Variants in OPCML observed in about 807,000 individuals in gnomAD.
The protein encoded by OPCML is opioid-binding protein/cell adhesion molecule.
In OPCML, 13 loss-of-function variants were observed where a neutral mutation model predicts 37.8. The ratio of observed to expected loss-of-function variants is 0.34; its 90% confidence interval spans 0.22 to 0.55. The LOEUF is 0.55. Ranked by LOEUF, OPCML falls within the 20% of genes least tolerant of loss-of-function variation. The pLI, the probability that OPCML is intolerant of heterozygous loss-of-function variation, is 0.91. For synonymous variants in OPCML, 176 were observed against 168.8 expected (o/e 1.04, Z -0.33); for missense variants, 341 against 435.6 (o/e 0.78, Z 1.93).
intron 1 of OPCML, among the ~76,000 whole-genome samples, chr11:133,504,479 T>C (rs1418886480): frequency 6.6e-6 from 1 of 152,142 alleles, no homozygotes; most frequent in African/African-American, 2.4e-5. Context: ...CCTGGCATGA[T>C]GGAAGGACAG....
intron 1 of OPCML, among the ~76,000 whole-genome samples, chr11:133,347,605 A>G (rs1944033181): frequency 6.6e-6 from 1 of 152,194 alleles, no homozygotes; most frequent in Admixed American, 6.5e-5. Context: ...TCTGAAATTA[A>G]GACTAAAGAT....
At chr11:133,391,811 T>C (rs2136813002) in intron 1 of OPCML, among the ~76,000 whole-genome samples, 1 of 152,344 alleles carries the variant, frequency 6.6e-6, no homozygotes, top group Non-Finnish European at 1.5e-5. Context: ...TTATCCCATT[T>C]AACATTCCAA....
chr11:133,090,713 T>A lies in OPCML; in HGVS notation c.62-147703A>T, dbSNP rs976601578. 2.0e-5 allele frequency among the ~76,000 whole-genome samples: 3 copies of A among 152,126 alleles called. No individual in the cohort carries two copies. In the South Asian group the frequency reaches 6.2e-4, roughly 31 times the overall value. On this transcript the variant is annotated intron_variant, in intron 1 of 7. Coordinates refer to ENST00000524381, the MANE Select transcript of OPCML (RefSeq NM_001012393.5). The stretch of plus-strand genomic sequence containing the variant: ...TGCTGCACAGCTTCTCCTGACAGCT[T>A]ATATGAAAATATGAGAAGAAAGAAA...
intron 1 of OPCML, among the ~76,000 whole-genome samples, chr11:133,512,572 T>C (rs1050238188): frequency 1.3e-5 from 2 of 152,114 alleles, no homozygotes; most frequent in Non-Finnish European, 2.9e-5. Context: ...TCTCCCCTAT[T>C]CCCAAATCTC....
intron 2 of OPCML, among the ~76,000 whole-genome samples, chr11:132,927,777 G>T (rs1272705575): frequency 1.3e-5 from 2 of 151,692 alleles, no homozygotes; most frequent in Non-Finnish European, 2.9e-5. Flanking sequence ...TATGTTCATG[G>T]GTACACAATG....
chr11:132,763,808 C>A (rs184287746), intron 2 of OPCML, among the ~76,000 whole-genome samples: 30 of 152,348 alleles, frequency 2.0e-4, no homozygotes, highest in African/African-American at 5.0e-4. Flanking sequence ...GGTGGCCACA[C>A]CAAGCTGCTC....
At chr11:133,011,861 A>C (rs2136876722) in intron 1 of OPCML, among the ~76,000 whole-genome samples, 1 of 152,326 alleles carries the variant, frequency 6.6e-6, no homozygotes, top group Non-Finnish European at 1.5e-5. Flanking sequence ...GCTCTAGAAA[A>C]GTTGACTAAG....
intron 1 of OPCML, among the ~76,000 whole-genome samples, chr11:133,512,596 G>T (rs1352432178): frequency 6.6e-6 from 1 of 152,152 alleles, no homozygotes; most frequent in East Asian, 1.9e-4. Flanking sequence ...GGAACAACTG[G>T]AAGTCCCAAC....
chr11:133,209,721 G>A (rs958133590), intron 1 of OPCML, among the ~76,000 whole-genome samples: 4 of 152,126 alleles, frequency 2.6e-5, no homozygotes, highest in Admixed American at 2.6e-4. Context: ...ATACATGGGT[G>A]GATGAATGAA....
intron 4 of OPCML, among the ~76,000 whole-genome samples, chr11:132,459,485 G>A: frequency 1.4e-5 from 2 of 143,436 alleles, no homozygotes; most frequent in African/African-American, 2.6e-5. Flanking sequence ...CATATATATA[G>A]GATAATATAT....
At chr11:132,843,082 C>CTTTTT (rs908099363) in intron 2 of OPCML, among the ~76,000 whole-genome samples, 2 of 99,490 alleles carry the variant, frequency 2.0e-5, no homozygotes, top group African/African-American at 3.8e-5. Context: ...AGTGTGGTTC[C>CTTTTT]TTTTTCTTTC....
At chr11:132,668,824 C>T (rs529935074) in intron 2 of OPCML, among the ~76,000 whole-genome samples, 28 of 152,256 alleles carry the variant, frequency 1.8e-4, no homozygotes, top group African/African-American at 6.3e-4. Flanking sequence ...TATAGATTCT[C>T]GTACTTCTAG....
At chr11:133,070,462 A>T (rs1948509547) in intron 1 of OPCML, among the ~76,000 whole-genome samples, 1 of 152,144 alleles carries the variant, frequency 6.6e-6, no homozygotes, top group Non-Finnish European at 1.5e-5. Context: ...GGAGAAAGTG[A>T]ATGCTGACTT....
At chr11:132,512,696 C>A (rs1057218765) in intron 4 of OPCML, among the ~76,000 whole-genome samples, 1 of 151,358 alleles carries the variant, frequency 6.6e-6, no homozygotes, top group Admixed American at 6.6e-5. Context: ...ATATTTGTGT[C>A]ATGTAGATTA....
chr11:132,959,445 G>A (rs775536968), intron 1 of OPCML, among the ~76,000 whole-genome samples: 13 of 152,342 alleles, frequency 8.5e-5, no homozygotes, highest in Admixed American at 3.3e-4. Context: ...AAGCAGCGGC[G>A]GGATTTGAGA....
intron 2 of OPCML, among the ~76,000 whole-genome samples, chr11:132,920,539 T>C (rs1944755977): frequency 6.6e-6 from 1 of 152,202 alleles, no homozygotes; most frequent in South Asian, 2.1e-4. Context: ...ACAGGGTCTC[T>C]CTGGGCCCAG....
intron 2 of OPCML, among the ~76,000 whole-genome samples, chr11:132,700,103 G>A (rs1024068020): frequency 1.3e-5 from 2 of 151,846 alleles, no homozygotes; most frequent in Non-Finnish European, 1.5e-5. Flanking sequence ...GTGTATAATT[G>A]TTCATAGTAG....
intron 2 of OPCML, among the ~76,000 whole-genome samples, chr11:132,744,985 A>G (rs765945164): frequency 1.7e-4 from 26 of 152,240 alleles, no homozygotes; most frequent in Middle Eastern, 6.8e-3. Flanking sequence ...GGGATATAGC[A>G]GAGCAGGCAG....
intron 2 of OPCML, among the ~76,000 whole-genome samples, chr11:132,846,594 T>C (rs1358522835): frequency 6.6e-6 from 1 of 152,142 alleles, no homozygotes; most frequent in Non-Finnish European, 1.5e-5. Flanking sequence ...TACATAGAAA[T>C]CTTAGGATTG....
Sources: gnomAD v4.1 joint callset for allele counts (sites outside exome capture counted in the v4.1 genomes callset) on GRCh38, gnomAD v4.1.1 for gene constraint, MANE v1.5 for transcripts, NCBI Gene and HGNC (gene_info 2026-07-23, HGNC 2026-07-21) for gene names.